Variants in SLITRK5 observed in about 807,000 individuals in gnomAD.
SLITRK5 encodes SLIT and NTRK-like protein 5.
In SLITRK5, 23 loss-of-function variants were observed where a neutral mutation model predicts 56.2. That is an observed-to-expected ratio of 0.41 (90% CI 0.29 to 0.58). SLITRK5 has a LOEUF of 0.58. SLITRK5 is among the 20% of genes least tolerant of loss of function. The pLI, the probability that SLITRK5 is intolerant of heterozygous loss-of-function variation, is 0.30. For synonymous variants in SLITRK5, 637 were observed against 531.8 expected, an observed-to-expected ratio of 1.20 and a Z score of -2.72; for missense variants, 1,289 against 1,226.6, an observed-to-expected ratio of 1.05 and a Z score of -0.76.
chr13:87,677,036 G>C lies in SLITRK5; in HGVS notation c.1648G>C (p.Asp550His). The C allele has an allele frequency of 6.2e-7, 1 of 1,614,072 alleles. No individual in the cohort carries two copies. The highest frequency in any genetic ancestry group is 8.5e-7 in the Non-Finnish European group (1 of 1,180,026). The part of the protein sequence containing the change: ...FTSLPVSGVL[D>H]QLKSLIQIDL... Reference sequence around the variant, plus strand: ...CTCCTTGCCAGTGAGTGGAGTTTTGGACCAGCTGAAGTCACTCATCCAAAT... The same window carrying C: ...CTCCTTGCCAGTGAGTGGAGTTTTGCACCAGCTGAAGTCACTCATCCAAAT... The change falls in exon 2 of 2, where the codon GAC becomes CAC. Residue 550 changes from aspartate (D) to histidine (H), a missense_variant. Around this residue, in one of 3 missense-constraint regions of SLITRK5, gnomAD observed 985 missense variants for 906.0 expected, o/e 1.09. Transcript: ENST00000683689. This position sits in a 1 kb window ranked among gnomAD's most constrained non-coding sequence, Gnocchi z 4.7.
Position 87,677,749 on chromosome 13 carries a change from C to T in SLITRK5, c.2361C>T (p.Ser787=), listed in dbSNP as rs750028383. Residue 787 remains serine, a synonymous_variant, in exon 2 of 2, where the codon AGC becomes AGT. Transcript: ENST00000683689. The surrounding 1 kb of genome is among the most constrained non-coding windows in gnomAD (Gnocchi z 4.7). ...KDLHELKVTY[S]SNHHLQQQQQ... ...TGCACGAGCTCAAGGTCACCTACAG[C>T]AGCAACCACCACCTGCAGCAGCAGC... 6.2e-7 allele frequency: 1 copy of T among 1,612,846 alleles called. No homozygotes were observed. Among genetic ancestry groups the T allele is most frequent in the Non-Finnish European group, 8.5e-7 (1 of 1,179,424 alleles).
rs756459275 is a variant in SLITRK5, at chr13:87,677,909, C to A, written c.2521C>A (p.Arg841=). 1.2e-6 allele frequency: 2 copies of A among 1,613,556 alleles called. No homozygotes were observed. Among genetic ancestry groups the A allele is most frequent in the East Asian group, 4.5e-5 (2 of 44,806 alleles). Residue 841 remains arginine, a synonymous_variant, in exon 2 of 2, where the codon CGG becomes AGG. Transcript: ENST00000683689. The surrounding 1 kb of genome is among the most constrained non-coding windows in gnomAD (Gnocchi z 4.7). ...PAYSVSTIEP[R]EDLLSPVQDA... ...CTACAGCGTCAGCACCATCGAGCCC[C>A]GGGAGGACCTGCTGTCGCCGGTGCA... is the stretch of plus-strand genomic sequence containing the variant.
At chr13:87,674,322 C>T in intron 1 of SLITRK5, 1 of 850,934 alleles carries the variant, frequency 1.2e-6, no homozygotes, top group Non-Finnish European at 1.4e-6. Context: ...ATGTAATAAG[C>T]AACTCCAAAG....
In SLITRK5 at chr13:87,677,042, C is replaced by A; in HGVS notation, c.1654C>A (p.Leu552Met). The A allele has an allele frequency of 6.2e-7, 1 of 1,614,098 alleles. No individual in the cohort carries two copies. The highest frequency in any genetic ancestry group is 2.2e-5 in the East Asian group (1 of 44,846). ...SLPVSGVLDQ[L>M]KSLIQIDLHD... Reference sequence around the variant, plus strand: ...GCCAGTGAGTGGAGTTTTGGACCAGCTGAAGTCACTCATCCAAATCGACCT... The same window carrying A: ...GCCAGTGAGTGGAGTTTTGGACCAGATGAAGTCACTCATCCAAATCGACCT... The change falls in exon 2 of 2, where the codon CTG (leucine) becomes ATG (methionine). Residue 552 changes from leucine (L) to methionine (M), a missense_variant. By Grantham distance (15) the Leu-to-Met change is conservative. This residue lies in a region of SLITRK5 where 985 missense variants were observed against 906.0 expected (regional missense o/e 1.09). Transcript: ENST00000683689. This position sits in a 1 kb window ranked among gnomAD's most constrained non-coding sequence, Gnocchi z 4.7.
At chr13:87,674,713 G>A (rs1044543458) in intron 1 of SLITRK5, among the ~76,000 whole-genome samples, 2 of 152,152 alleles carry the variant, frequency 1.3e-5, no homozygotes, top group African/African-American at 4.8e-5. Context: ...CAAAGCAAAT[G>A]CGCTCTCCTT....
chr13:87,677,151 A>G lies in SLITRK5; in HGVS notation c.1763A>G (p.Asp588Gly). ...CAGCTCAAAGTGGGCGTCCTAGTGG[A>G]CGAGGTGATCTGTAAGGCGCCCAAA... Reference protein sequence around the residue: ...VEQLKVGVLVDEVICKAPKKF... With the variant: ...VEQLKVGVLVGEVICKAPKKF... Residue 588 changes from aspartate to glycine, a missense_variant, in exon 2 of 2, where the codon GAC (aspartate) becomes GGC (glycine). Coordinates refer to ENST00000683689, the MANE Select transcript of SLITRK5 (RefSeq NM_001384609.1). This position sits in a 1 kb window ranked among gnomAD's most constrained non-coding sequence, Gnocchi z 4.7. 6.2e-7 allele frequency: 1 copy of G among 1,614,138 alleles called. No homozygotes were observed. Among genetic ancestry groups the G allele is most frequent in the South Asian group, 1.1e-5 (1 of 91,088 alleles).
chr13:87,672,322 G>T (rs1006902449), intron 1 of SLITRK5, among the ~76,000 whole-genome samples, 113 bp downstream of exon 1: 51 of 152,218 alleles, frequency 3.4e-4, no homozygotes, highest in African/African-American at 1.2e-3. Flanking sequence ...GAGCGGGTGC[G>T]AGCGCTCGGC....
At chr13:87,673,351 G>A in intron 1 of SLITRK5, 1 of 355,674 alleles carries the variant, frequency 2.8e-6, no homozygotes, top group Non-Finnish European at 5.6e-6. Flanking sequence ...AGGAGGAGGG[G>A]GAAGGGAGTG....
rs191220424 is a variant in SLITRK5, at chr13:87,671,984, G to C, written c.-234G>C. Reference sequence around the variant, plus strand: ...AGTGTGCGCTGCAAGAAGAAGGCGGGAGATGCATGCACACCCCCGCGACCC... The same window carrying C: ...AGTGTGCGCTGCAAGAAGAAGGCGGCAGATGCATGCACACCCCCGCGACCC... On this transcript the variant is annotated 5_prime_UTR_variant, in exon 1 of 2. Transcript: ENST00000683689. Among the ~76,000 whole-genome samples the C allele has an allele frequency of 0.012, 1,804 of 152,218 alleles. 17 individuals are homozygous for C. Among genetic ancestry groups the C allele is most frequent in the Non-Finnish European group, 0.017 (1,137 of 67,996 alleles).
intron 1 of SLITRK5, among the ~76,000 whole-genome samples, chr13:87,675,177 A>C (rs1234955242): frequency 6.6e-6 from 1 of 152,216 alleles, no homozygotes; most frequent in Non-Finnish European, 1.5e-5. Flanking sequence ...ATTTAAAAAA[A>C]TTAATCAACC....
chr13:87,674,057 G>T (rs2137940268), intron 1 of SLITRK5, among the ~76,000 whole-genome samples: 1 of 150,982 alleles, frequency 6.6e-6, no homozygotes, highest in Non-Finnish European at 1.5e-5. Flanking sequence ...TTCCATTTAT[G>T]TCCTTCCTTT....
In SLITRK5 at chr13:87,676,661, C is replaced by T. The variant is rs1404825112; in HGVS notation, c.1273C>T (p.Arg425Cys). The T allele has an allele frequency of 3.7e-6, 6 of 1,613,968 alleles. No homozygotes were observed. The highest frequency in any genetic ancestry group is 5.1e-6 in the Non-Finnish European group (6 of 1,180,024). The stretch of plus-strand genomic sequence containing the variant: ...GACAGAGAACTACATCGCTGTCGTG[C>T]GCAGGACAGACTTCCTGGAGGCCAC... ...YLTENYIAVV[R>C]RTDFLEATGL... The change falls in exon 2 of 2, where the codon CGC becomes TGC. Residue 425 changes from arginine (R) to cysteine (C), a missense_variant. Physicochemically the swap from Arg to Cys is radical, Grantham distance 180. Transcript: ENST00000683689.
Position 87,674,430 on chromosome 13 carries a change from C to G in SLITRK5, c.-8-951C>G, listed in dbSNP as rs182327851. ...GGTAAGGGAGGCTTTCGTGCTGATCCTTGGTGTACTGATTCCCGGTAAGCG... is the reference window on the plus strand; with the variant it reads ...GGTAAGGGAGGCTTTCGTGCTGATCGTTGGTGTACTGATTCCCGGTAAGCG... On this transcript the variant is annotated intron_variant, in intron 1 of 1. Coordinates refer to ENST00000683689, the MANE Select transcript of SLITRK5 (RefSeq NM_001384609.1). 3.8e-4 allele frequency: 373 copies of G among 984,394 alleles called. 2 individuals are homozygous for G. The African/African-American group carries it at 6.2e-3, about 16-fold the overall frequency. The allele number at this position is 984,394 out of a possible 1,614,324, so 61.0% of individuals were successfully genotyped here.
Position 87,677,820 on chromosome 13 carries a change from CGCAGCT to C in SLITRK5, c.2444_2449del (p.Leu815_Gln816del), listed in dbSNP as rs757354331. On this transcript the variant is annotated inframe_deletion, in exon 2 of 2. Coordinates refer to ENST00000683689, the MANE Select transcript of SLITRK5 (RefSeq NM_001384609.1). The surrounding 1 kb of genome is among the most constrained non-coding windows in gnomAD (Gnocchi z 4.7). ...CAGCAGCCACAGCAGCAGCCCCCGC[CGCAGCT>C]GCAGCTGCAGCCCGGGGAGGAGGAG... 2 of 1,610,972 alleles carry C rather than the reference CGCAGCT, an allele frequency of 1.2e-6. No homozygotes were observed. Among genetic ancestry groups the C allele is most frequent in the Non-Finnish European group, 1.7e-6 (2 of 1,178,132 alleles).
Position 87,675,972 on chromosome 13 carries a change from A to G in SLITRK5, c.584A>G (p.Asn195Ser), listed in dbSNP as rs771999311. 4 of 1,613,948 alleles carry G rather than the reference A, an allele frequency of 2.5e-6. No homozygotes were observed. Among genetic ancestry groups the G allele is most frequent in the East Asian group, 2.2e-5 (1 of 44,840 alleles). The change falls in exon 2 of 2, where the codon AAT becomes AGT. Residue 195 changes from asparagine to serine, a missense_variant. Asn to Ser is a conservative substitution (Grantham distance 46, BLOSUM62 1). This residue lies in a region of SLITRK5 where 291 missense variants were observed against 286.7 expected (regional missense o/e 1.02). Coordinates refer to ENST00000683689, the MANE Select transcript of SLITRK5 (RefSeq NM_001384609.1). ...NDNLLSSLPN[N>S]LFRFVPLTHL... ...AATCTTTTGTCCAGTTTACCCAACA[A>G]TCTTTTCCGTTTTGTGCCCTTAACG...
At position 87,675,815 on chromosome 13, in the gene SLITRK5, C is replaced by A; in HGVS notation, c.427C>A (p.Leu143Ile). 6.2e-7 allele frequency: 1 copy of A among 1,614,156 alleles called. No homozygotes were observed. The highest frequency in any genetic ancestry group is 8.5e-7 in the Non-Finnish European group (1 of 1,180,030). ...GCATCTAAACAATAATAAACTGGAA[C>A]TTCTGCGAGATGATACCTTCCTTGG... ...RLHLNNNKLE[L>I]LRDDTFLGLE... Residue 143 changes from leucine to isoleucine, a missense_variant, in exon 2 of 2, where the codon CTT becomes ATT. Coordinates refer to ENST00000683689, the MANE Select transcript of SLITRK5 (RefSeq NM_001384609.1).
chr13:87,677,144 C>G lies in SLITRK5; in HGVS notation c.1756C>G (p.Leu586Val). 6.2e-7 allele frequency: 1 copy of G among 1,614,168 alleles called. No homozygotes were observed. The highest frequency in any genetic ancestry group is 1.3e-5 in the African/African-American group (1 of 75,050). ...GGTGGAGCAGCTCAAAGTGGGCGTC[C>G]TAGTGGACGAGGTGATCTGTAAGGC... ...LWVEQLKVGV[L>V]VDEVICKAPK... Residue 586 changes from leucine to valine, a missense_variant, in exon 2 of 2, where the codon CTA (leucine) becomes GTA (valine). This residue lies in a region of SLITRK5 where 985 missense variants were observed against 906.0 expected (regional missense o/e 1.09). Coordinates refer to ENST00000683689, the MANE Select transcript of SLITRK5 (RefSeq NM_001384609.1). The surrounding 1 kb of genome is among the most constrained non-coding windows in gnomAD (Gnocchi z 4.7).
chr13:87,677,787 C>G lies in SLITRK5; in HGVS notation c.2399C>G (p.Pro800Arg). The G allele has an allele frequency of 1.2e-5, 20 of 1,609,310 alleles. No homozygotes were observed. Among genetic ancestry groups the G allele is most frequent in the Non-Finnish European group, 1.7e-5 (20 of 1,177,918 alleles). The change falls in exon 2 of 2, where the codon CCG becomes CGG. Residue 800 changes from proline (P) to arginine (R), a missense_variant. Transcript: ENST00000683689. This position sits in a 1 kb window ranked among gnomAD's most constrained non-coding sequence, Gnocchi z 4.7. Reference sequence around the variant, plus strand: ...CTGCAGCAGCAGCAGCAGCCGCCGCCGCCACCGCAGCAGCCACAGCAGCAG... The same window carrying G: ...CTGCAGCAGCAGCAGCAGCCGCCGCGGCCACCGCAGCAGCCACAGCAGCAG... ...HHLQQQQQPP[P>R]PPQQPQQQPP...
rs1451330210 is a variant in SLITRK5 at position 87,677,106 on chromosome 13, G to A, written c.1718G>A (p.Gly573Asp). ...NPWDCTCDIV[G>D]MKLWVEQLKV... ...TGGGATTGTACCTGTGACATTGTGGGCATGAAGCTGTGGGTGGAGCAGCTC... is the reference window on the plus strand; with the variant it reads ...TGGGATTGTACCTGTGACATTGTGGACATGAAGCTGTGGGTGGAGCAGCTC... The change falls in exon 2 of 2, where the codon GGC (glycine) becomes GAC (aspartate). Residue 573 changes from glycine (G) to aspartate (D), a missense_variant. Physicochemically the swap from Gly to Asp is moderately conservative, Grantham distance 94 (BLOSUM62 -1). Coordinates refer to ENST00000683689, the MANE Select transcript of SLITRK5 (RefSeq NM_001384609.1). The surrounding 1 kb of genome is among the most constrained non-coding windows in gnomAD (Gnocchi z 4.7). The A allele has an allele frequency of 6.2e-7, 1 of 1,614,154 alleles. No homozygotes were observed. Among genetic ancestry groups the A allele is most frequent in the South Asian group, 1.1e-5 (1 of 91,076 alleles).
Sources: allele counts gnomAD v4.1 joint callset (sites outside exome capture counted in the v4.1 genomes callset), GRCh38; gene constraint gnomAD v4.1.1; regional missense constraint gnomAD v4.1.1; non-coding constraint Gnocchi (gnomAD v3.1); transcripts MANE v1.5; gene names NCBI Gene and HGNC (gene_info 2026-07-23, HGNC 2026-07-21).